Variants in IL36B observed in about 807,000 individuals in gnomAD.
IL36B encodes interleukin 36 beta.
Under a neutral mutation model 19.3 loss-of-function variants are expected in IL36B, and 23 were observed. The ratio of observed to expected loss-of-function variants is 1.19; its 90% CI spans 0.86 to 1.69. The LOEUF is 1.69. IL36B is among the 40% of genes most tolerant of loss of function. IL36B has a pLI of 0.00. For synonymous variants in IL36B, 59 were observed against 59.7 expected (o/e 0.99, Z 0.05); for missense variants, 217 against 200.5 (o/e 1.08, Z -0.50).
In IL36B at chr2:113,041,654, C is replaced by T. The variant is rs564341182; in HGVS notation, c.-57-9888G>A. ...TCATCAAATGACACTGTTAAGGAAA[C>T]AAGTAGCAAGTCACAGACATATATC... is the stretch of plus-strand genomic sequence containing the variant. On this transcript the variant is annotated intron_variant, in intron 1 of 5. Coordinates refer to ENST00000259213, the MANE Select transcript of IL36B (RefSeq NM_014438.5). Among the ~76,000 whole-genome samples, 3 of 152,164 alleles carry T rather than the reference C, an allele frequency of 2.0e-5. No individual in the cohort carries two copies. In the East Asian group the frequency reaches 5.8e-4, roughly 29 times the overall value.
At chr2:113,027,987 G>T (rs770671147) in intron 4 of IL36B, 1 of 1,614,184 alleles carries the variant, frequency 6.2e-7, no homozygotes, top group Non-Finnish European at 8.5e-7. Context: ...CTGATGTGGT[G>T]GAGGTGGCTA....
At chr2:113,046,439 G>C (rs1169168847) in intron 1 of IL36B, among the ~76,000 whole-genome samples, 1 of 152,096 alleles carries the variant, frequency 6.6e-6, no homozygotes, top group East Asian at 1.9e-4. Context: ...TCGATCTCCT[G>C]ACCTCGTGAT....
intron 1 of IL36B, among the ~76,000 whole-genome samples, chr2:113,046,363 C>T (rs1388844417): frequency 6.6e-6 from 1 of 152,058 alleles, no homozygotes; most frequent in East Asian, 1.9e-4. Flanking sequence ...ACTCCCGCCA[C>T]CACGCTCAGC....
At chr2:113,027,676 A>G in intron 4 of IL36B, 2 of 1,379,324 alleles carry the variant, frequency 1.4e-6, no homozygotes, top group Non-Finnish European at 1.9e-6. Context: ...ATCAAGAAAG[A>G]ATGGAAAGTG....
intron 1 of IL36B, among the ~76,000 whole-genome samples, chr2:113,032,530 C>T (rs975782005): frequency 2.0e-5 from 3 of 152,292 alleles, no homozygotes; most frequent in African/African-American, 7.2e-5. Flanking sequence ...CAACCTGCAC[C>T]CTTGTAAGCA....
At chr2:113,039,825 A>G (rs950702758) in intron 1 of IL36B, among the ~76,000 whole-genome samples, 2 of 151,876 alleles carry the variant, frequency 1.3e-5, no homozygotes, top group African/African-American at 4.8e-5. Flanking sequence ...GTATTGGATC[A>G]GGACTTTTAC....
At chr2:113,026,091 T>A (rs1346918752) in intron 5 of IL36B, 1 of 1,612,788 alleles carries the variant, frequency 6.2e-7, no homozygotes, top group Non-Finnish European at 8.5e-7. Context: ...GATAAGAGAA[T>A]TTGCTCCTCA....
At chr2:113,025,674 G>A (rs1248751399) in intron 5 of IL36B, among the ~76,000 whole-genome samples, 2 of 152,136 alleles carry the variant, frequency 1.3e-5, no homozygotes, top group African/African-American at 4.8e-5. Flanking sequence ...GATGAGGAGA[G>A]TCCCGTAAAA....
chr2:113,028,023 C>T lies in IL36B; in HGVS notation c.261+916G>A, dbSNP rs775350882. The T allele has an allele frequency of 8.7e-6, 14 of 1,614,144 alleles. No individual in the cohort carries two copies. In the Admixed American group the frequency reaches 1.5e-4, roughly 17 times the overall value. On this transcript the variant is annotated intron_variant, in intron 4 of 5. Transcript: ENST00000259213. The stretch of plus-strand genomic sequence containing the variant: ...TGAACCAGCCAGGGTAAGAGACTGA[C>T]TGAAAGACAGAAGTGGAGCCTTCTT...
chr2:113,027,395 T>C (rs991064840), intron 4 of IL36B, 38 bp downstream of exon 5: 3 of 870,330 alleles, frequency 3.4e-6, no homozygotes, highest in African/African-American at 1.8e-5. Context: ...GTGTATACAC[T>C]GTGTGTCAAA....
chr2:113,048,254 T>C (rs1685380728), intron 1 of IL36B, among the ~76,000 whole-genome samples: 1 of 152,126 alleles, frequency 6.6e-6, no homozygotes, highest in East Asian at 1.9e-4. Flanking sequence ...TCTACTAAAA[T>C]ACAATTGTAA....
chr2:113,040,573 A>G (rs1232717164), intron 1 of IL36B, among the ~76,000 whole-genome samples: 1 of 152,348 alleles, frequency 6.6e-6, no homozygotes, highest in South Asian at 2.1e-4. Flanking sequence ...TAGAAAAGTT[A>G]ACTGTATTTT....
chr2:113,035,956 G>GT (rs563830029), intron 1 of IL36B, among the ~76,000 whole-genome samples: 2 of 152,004 alleles, frequency 1.3e-5, no homozygotes, highest in Non-Finnish European at 2.9e-5. Context: ...CGATTCTTTT[G>GT]TTTTTTTCTT....
chr2:113,041,983 C>T (rs1685265927), intron 1 of IL36B, among the ~76,000 whole-genome samples: 1 of 152,150 alleles, frequency 6.6e-6, no homozygotes, highest in Non-Finnish European at 1.5e-5. Flanking sequence ...TGCTGGGAGG[C>T]TTTTTCCAGG....
chr2:113,026,413 T>C (rs759931013), intron 4 of IL36B, among the ~76,000 whole-genome samples: 5 of 152,104 alleles, frequency 3.3e-5, no homozygotes, highest in Admixed American at 1.3e-4. Flanking sequence ...GCCAGAAGCA[T>C]AGTTTTGGGG....
At chr2:113,027,481 C>A in intron 4 of IL36B, 2 of 1,023,696 alleles carry the variant, frequency 2.0e-6, no homozygotes, top group African/African-American at 1.7e-5. Context: ...TCATCTCATT[C>A]TTCAGCTTTA....
rs1352548402 is a variant in IL36B at position 113,028,130 on chromosome 2, G to T, written c.261+809C>A. 1.2e-6 allele frequency: 2 copies of T among 1,610,514 alleles called. No individual in the cohort carries two copies. The highest frequency in any genetic ancestry group is 1.7e-6 in the Non-Finnish European group (2 of 1,177,008). ...ATATTTTTTTCCTGGGGGTGGAAAA[G>T]AGGCTTGTTAGAGAGGAGGATAGGA... is the stretch of plus-strand genomic sequence containing the variant. On this transcript the variant is annotated intron_variant, in intron 4 of 5. Coordinates refer to ENST00000259213, the MANE Select transcript of IL36B (RefSeq NM_014438.5).
chr2:113,030,995 T>C (rs751928750), intron 3 of IL36B, 53 bp downstream of exon 3: 2 of 1,294,812 alleles, frequency 1.5e-6, no homozygotes, highest in Non-Finnish European at 1.1e-6. Flanking sequence ...GCCTCATTCC[T>C]GGTGAAGATG....
At chr2:113,045,986 G>A (rs7569284) in intron 1 of IL36B, among the ~76,000 whole-genome samples, 114,517 of 152,098 alleles carry the variant, frequency 0.75, 43,565 homozygotes, top group East Asian at 0.94. Flanking sequence ...TCTTGTAAGC[G>A]TTGGATGTCA....
Sources: allele counts gnomAD v4.1 joint callset (sites outside exome capture counted in the v4.1 genomes callset), GRCh38; gene constraint gnomAD v4.1.1; transcripts MANE v1.5; gene names NCBI Gene and HGNC (gene_info 2026-07-23, HGNC 2026-07-21).